The following CAMK2D variants were observed in gnomAD, a reference collection of about 807,000 sequenced individuals.
CAMK2D encodes calcium/calmodulin-dependent protein kinase type II subunit delta.
A neutral mutation model predicts 84.0 loss-of-function variants in CAMK2D; 37 were observed. The observed-to-expected ratio is 0.44, with a 90% CI of 0.34 to 0.58. The LOEUF (loss-of-function observed/expected upper bound fraction) is 0.58, where lower values mean the gene tolerates loss of function less well. Among genes scored for constraint, CAMK2D ranks in the 20% least tolerant of loss-of-function variants. The pLI is 0.02. For missense variants in CAMK2D, 448 were observed against 652.5 expected, an observed-to-expected ratio of 0.69 and a Z score of 3.41; for synonymous variants, 202 against 212.5, an observed-to-expected ratio of 0.95 and a Z score of 0.43.
chr4:113,720,757 G>A lies in CAMK2D; in HGVS notation c.160+38563C>T, dbSNP rs1447537107. Among the ~76,000 whole-genome samples, 3 of 151,760 alleles carry A rather than the reference G, an allele frequency of 2.0e-5. No homozygotes were observed. The East Asian group carries it at 5.8e-4, about 29-fold the overall frequency. The stretch of plus-strand genomic sequence containing the variant: ...TTTCAAGCAGAACCAAGTAATCCCA[G>A]CAAATATACTGACTTCAAAATAACT... On this transcript the variant is annotated intron_variant, in intron 2 of 20. Coordinates refer to ENST00000511664, the MANE Select transcript of CAMK2D (RefSeq NM_001321571.2).
At chr4:113,507,338 C>A (rs543410518) in intron 13 of CAMK2D, among the ~76,000 whole-genome samples, 2 of 151,922 alleles carry the variant, frequency 1.3e-5, no homozygotes, top group East Asian at 3.9e-4. Flanking sequence ...GAAACCTCTG[C>A]CTTCTGGGTT....
At chr4:113,684,799 A>C (rs1413259329) in intron 2 of CAMK2D, among the ~76,000 whole-genome samples, 1 of 152,228 alleles carries the variant, frequency 6.6e-6, no homozygotes, top group African/African-American at 2.4e-5. Flanking sequence ...AAAGTGCTAT[A>C]CTGTCATTAC....
chr4:113,614,324 G>A (rs958330294), intron 3 of CAMK2D, among the ~76,000 whole-genome samples: 1 of 152,088 alleles, frequency 6.6e-6, no homozygotes, highest in South Asian at 2.1e-4. Flanking sequence ...AGAGGAGGCA[G>A]TCAATTACAT....
chr4:113,543,899 C>A (rs2098549132), intron 6 of CAMK2D, among the ~76,000 whole-genome samples: 2 of 152,022 alleles, frequency 1.3e-5, no homozygotes, highest in South Asian at 4.1e-4. Context: ...TCATGCCATT[C>A]TCCTGCCTCA....
chr4:113,470,412 G>C (rs1408597849), intron 16 of CAMK2D, among the ~76,000 whole-genome samples: 1 of 152,102 alleles, frequency 6.6e-6, no homozygotes, highest in Non-Finnish European at 1.5e-5. Context: ...TGGAGAGGCC[G>C]AGGCGGGTGG....
chr4:113,508,715 A>G (rs899688809), intron 13 of CAMK2D, among the ~76,000 whole-genome samples: 24 of 152,358 alleles, frequency 1.6e-4, no homozygotes, highest in African/African-American at 5.1e-4. Context: ...TCCAAGTTGC[A>G]CACAGACAGG....
chr4:113,611,295 G>A (rs2098999384), intron 3 of CAMK2D, among the ~76,000 whole-genome samples: 1 of 152,100 alleles, frequency 6.6e-6, no homozygotes, highest in African/African-American at 2.4e-5. Context: ...ATAGCTCACT[G>A]GCTTCTTGAA....
At chr4:113,478,519 G>C (rs1430462834) in intron 16 of CAMK2D, among the ~76,000 whole-genome samples, 1 of 152,192 alleles carries the variant, frequency 6.6e-6, no homozygotes, top group East Asian at 1.9e-4. Flanking sequence ...CTTGAAGAGA[G>C]ACTTAAATAT....
intron 16 of CAMK2D, among the ~76,000 whole-genome samples, chr4:113,494,566 G>C (rs1388358520): frequency 6.6e-6 from 1 of 152,260 alleles, no homozygotes; most frequent in Non-Finnish European, 1.5e-5. Flanking sequence ...GGACATTTAA[G>C]TCTGCAGAGA....
At chr4:113,537,566 A>C in intron 6 of CAMK2D, 123 bp from the exon 7 acceptor site, 1 of 629,348 alleles carries the variant, frequency 1.6e-6, no homozygotes, top group South Asian at 1.9e-5. Flanking sequence ...TTTCCTGGAG[A>C]CTGCCATTCC....
rs750546724 is a variant in CAMK2D at position 113,452,481 on chromosome 4, A to G, written c.*2064T>C. On this transcript the variant is annotated 3_prime_UTR_variant, in exon 21 of 21. Transcript: ENST00000511664. ...ATCAGTCCTTTACCATTATGGCAAG[A>G]AATATATACAGTGTCCCATGGTAAA... is the stretch of plus-strand genomic sequence containing the variant. The G allele has an allele frequency of 7.9e-5, 12 of 152,614 alleles. 1 individual carries two copies. Among genetic ancestry groups the G allele is most frequent in the Admixed American group, 2.0e-4 (3 of 15,268 alleles). 9.5% of individuals were successfully genotyped at this position (152,614 alleles called of 1,614,324 possible).
Position 113,471,827 on chromosome 4 carries a change from A to G in CAMK2D, c.1136-6223T>C, listed in dbSNP as rs367600269. On this transcript the variant is annotated intron_variant, in intron 16 of 20. Coordinates refer to ENST00000511664, the MANE Select transcript of CAMK2D (RefSeq NM_001321571.2). ...TAAGGTTTCTAGTCCCCCTCCTCTCATGGTCTAGAAGCTGAAGCCCAAAGT... is the reference window on the plus strand; with the variant it reads ...TAAGGTTTCTAGTCCCCCTCCTCTCGTGGTCTAGAAGCTGAAGCCCAAAGT... Among the ~76,000 whole-genome samples the G allele has an allele frequency of 8.6e-5, 13 of 150,838 alleles. No homozygotes were observed. In the South Asian group the frequency reaches 2.5e-3, roughly 29 times the overall value.
intron 2 of CAMK2D, among the ~76,000 whole-genome samples, chr4:113,672,584 G>C (rs1047861246): frequency 6.6e-6 from 1 of 151,690 alleles, no homozygotes; most frequent in Non-Finnish European, 1.5e-5. Context: ...ATTGAAAAAA[G>C]AAAATGAAGT....
At chr4:113,674,547 T>C (rs2099310326) in intron 2 of CAMK2D, among the ~76,000 whole-genome samples, 1 of 152,138 alleles carries the variant, frequency 6.6e-6, no homozygotes, top group Admixed American at 6.5e-5. Flanking sequence ...TGTCTGTGGT[T>C]CCTTCTAAAT....
chr4:113,523,539 G>A (rs895684615), intron 8 of CAMK2D, among the ~76,000 whole-genome samples: 5 of 152,090 alleles, frequency 3.3e-5, no homozygotes, highest in Non-Finnish European at 7.4e-5. Flanking sequence ...TTGGGAGGCC[G>A]AAGTGGGCAG....
intron 2 of CAMK2D, among the ~76,000 whole-genome samples, chr4:113,703,648 G>A (rs1235009899): frequency 1.3e-5 from 2 of 152,140 alleles, no homozygotes; most frequent in Non-Finnish European, 2.9e-5. Flanking sequence ...AAACCTATAA[G>A]AACTTCTTCA....
intron 3 of CAMK2D, among the ~76,000 whole-genome samples, chr4:113,614,823 T>C (rs1407774833): frequency 6.6e-6 from 1 of 152,148 alleles, no homozygotes; most frequent in Non-Finnish European, 1.5e-5. Context: ...AAATACGTTT[T>C]TCAATATCAT....
At chr4:113,480,996 A>C (rs1411903986) in intron 16 of CAMK2D, among the ~76,000 whole-genome samples, 2 of 152,152 alleles carry the variant, frequency 1.3e-5, no homozygotes, top group Non-Finnish European at 2.9e-5. Flanking sequence ...CAGCCTCCAA[A>C]ACTGTGAAAA....
At chr4:113,727,391 C>T (rs2099549336) in intron 2 of CAMK2D, among the ~76,000 whole-genome samples, 1 of 152,044 alleles carries the variant, frequency 6.6e-6, no homozygotes, top group Admixed American at 6.5e-5. Context: ...AACTCACTCA[C>T]ACATACATAG....
Sources: allele counts gnomAD v4.1 joint callset (sites outside exome capture counted in the v4.1 genomes callset), GRCh38; gene constraint gnomAD v4.1.1; transcripts MANE v1.5; gene names NCBI Gene and HGNC (gene_info 2026-07-23, HGNC 2026-07-21).